Variants in PTPRG observed in about 807,000 individuals in gnomAD.
PTPRG encodes the protein protein tyrosine phosphatase receptor type G.
A neutral mutation model predicts 165.3 loss-of-function variants in PTPRG; 102 were observed. That is an observed-to-expected ratio of 0.62 (90% CI 0.53 to 0.73). The LOEUF is 0.73. Among genes scored for constraint, PTPRG ranks in the 30% least tolerant of loss-of-function variants. PTPRG has a pLI of 0.00. For missense variants in PTPRG, 1,866 were observed against 1,861.4 expected, an observed-to-expected ratio of 1.00 and a Z score of -0.05; for synonymous variants, 675 against 669.5, an observed-to-expected ratio of 1.01 and a Z score of -0.13.
At chr3:61,579,981 A>T (rs1700250504) in intron 1 of PTPRG, among the ~76,000 whole-genome samples, 1 of 152,250 alleles carries the variant, frequency 6.6e-6, no homozygotes, top group Non-Finnish European at 1.5e-5. Flanking sequence ...ATTTTTAAAA[A>T]ATCACACATC....
chr3:61,849,930 A>C (rs1433596097), intron 2 of PTPRG, among the ~76,000 whole-genome samples: 1 of 152,082 alleles, frequency 6.6e-6, no homozygotes, highest in Non-Finnish European at 1.5e-5. Flanking sequence ...CTTTATTTTT[A>C]TGATTGATTT....
At chr3:61,784,516 ATGTTGAGGG>A (rs1032109471) in intron 2 of PTPRG, among the ~76,000 whole-genome samples, 1 of 152,136 alleles carries the variant, frequency 6.6e-6, no homozygotes, top group Non-Finnish European at 1.5e-5. Flanking sequence ...GTGGTTGAGG[ATGTTGAGGG>A]TAAGTTAGCA....
At chr3:62,019,470 C>T (rs2041630928) in intron 4 of PTPRG, among the ~76,000 whole-genome samples, 1 of 144,102 alleles carries the variant, frequency 6.9e-6, no homozygotes, top group Admixed American at 7.1e-5. Context: ...TTGCAGTGAG[C>T]TGAGATTGTG....
intron 6 of PTPRG, among the ~76,000 whole-genome samples, chr3:62,138,461 A>G (rs1042258834): frequency 1.3e-5 from 2 of 152,238 alleles, no homozygotes; most frequent in Non-Finnish European, 1.5e-5. Flanking sequence ...GCTCATGCCT[A>G]TAATGTCAGC....
At chr3:61,958,851 G>C (rs770547305) in intron 2 of PTPRG, among the ~76,000 whole-genome samples, 2 of 152,140 alleles carry the variant, frequency 1.3e-5, no homozygotes, top group Non-Finnish European at 2.9e-5. Flanking sequence ...TGGCAAGAAT[G>C]GAAATCCACA....
intron 2 of PTPRG, among the ~76,000 whole-genome samples, chr3:61,860,782 T>C (rs1447415833): frequency 1.3e-5 from 2 of 152,144 alleles, no homozygotes; most frequent in African/African-American, 4.8e-5. Context: ...AACTGTTGTT[T>C]CACATGCAGT....
Position 62,156,943 on chromosome 3 carries a change from C to T in PTPRG, c.683-124C>T, listed in dbSNP as rs570479968. 18 of 874,532 alleles carry T rather than the reference C, an allele frequency of 2.1e-5. No individual in the cohort carries two copies. In the African/African-American group the frequency reaches 2.5e-4, roughly 12 times the overall value. The allele number at this position is 874,532 out of a possible 1,614,324, so 54.2% of individuals were successfully genotyped here. A position where few individuals can be genotyped will look rare whatever the true frequency, so the allele number is the denominator to read the frequency against. On this transcript the variant is annotated intron_variant, in intron 6 of 29. Transcript: ENST00000474889. The stretch of plus-strand genomic sequence containing the variant: ...CCCACCACCAAATGCTAGTGCTTCT[C>T]AGGATATAAACAAACATAAGGCTTG...
chr3:61,779,405 T>C (rs754987487), intron 2 of PTPRG, among the ~76,000 whole-genome samples: 10 of 152,170 alleles, frequency 6.6e-5, no homozygotes, highest in Non-Finnish European at 1.0e-4. Context: ...CTAATTGCCT[T>C]CCTAATGACA....
intron 2 of PTPRG, among the ~76,000 whole-genome samples, chr3:61,898,623 G>A (rs970231878): frequency 7.2e-5 from 11 of 152,122 alleles, no homozygotes; most frequent in Non-Finnish European, 1.3e-4. Context: ...GCGTTGTTTT[G>A]CCCAGGCATT....
chr3:61,649,142 T>C (rs758064345), intron 1 of PTPRG, among the ~76,000 whole-genome samples: 18 of 149,348 alleles, frequency 1.2e-4, no homozygotes, highest in Non-Finnish European at 2.5e-4. Flanking sequence ...CCTTTTCCCT[T>C]TTCACTTCCC....
intron 9 of PTPRG, 100 bp from the exon 10 acceptor site, chr3:62,194,962 C>A: frequency 9.2e-7 from 1 of 1,088,090 alleles, no homozygotes; most frequent in East Asian, 2.4e-5. Context: ...AAGCATCACA[C>A]CTGTCAGGCA....
chr3:62,030,563 T>G (rs1200894826), intron 4 of PTPRG, among the ~76,000 whole-genome samples: 3 of 152,166 alleles, frequency 2.0e-5, no homozygotes, highest in African/African-American at 7.2e-5. Flanking sequence ...ACACTTTTAC[T>G]GGAGATGTCA....
chr3:61,600,336 CTT>C (rs1700828617), intron 1 of PTPRG, among the ~76,000 whole-genome samples: 1 of 151,892 alleles, frequency 6.6e-6, no homozygotes, highest in South Asian at 2.1e-4. Flanking sequence ...TGCATGAAGA[CTT>C]TGATTTCAGT....
At chr3:61,944,046 C>T (rs1333586104) in intron 2 of PTPRG, among the ~76,000 whole-genome samples, 1 of 152,164 alleles carries the variant, frequency 6.6e-6, no homozygotes, top group Non-Finnish European at 1.5e-5. Context: ...CAAAGTACCA[C>T]ATTTTGTCAG....
In PTPRG at chr3:62,112,057, A is replaced by G. The variant is rs571755113; in HGVS notation, c.616-20545A>G. On this transcript the variant is annotated intron_variant, in intron 5 of 29. Coordinates refer to ENST00000474889, the MANE Select transcript of PTPRG (RefSeq NM_002841.4). ...GGCAGTGGCTTGGGTTGTACCAGAA[A>G]CACCATGGCCCCAGGTTGAAGCCCA... Among the ~76,000 whole-genome samples the G allele has an allele frequency of 1.2e-4, 18 of 152,198 alleles. No individual in the cohort carries two copies. The East Asian group carries it at 1.9e-3, about 16-fold the overall frequency.
intron 2 of PTPRG, among the ~76,000 whole-genome samples, chr3:61,810,850 G>A (rs2035552778): frequency 6.6e-6 from 1 of 151,848 alleles, no homozygotes; most frequent in South Asian, 2.1e-4. Context: ...TTGCTTTTGT[G>A]GGCTTTTACT....
intron 1 of PTPRG, among the ~76,000 whole-genome samples, chr3:61,694,683 A>G (rs2030456454): frequency 6.6e-6 from 1 of 152,204 alleles, no homozygotes; most frequent in Non-Finnish European, 1.5e-5. Flanking sequence ...GGAATTTCAA[A>G]TTGTGATATA....
chr3:61,586,982 G>A (rs1160200200), intron 1 of PTPRG, among the ~76,000 whole-genome samples: 1 of 152,196 alleles, frequency 6.6e-6, no homozygotes. Flanking sequence ...AAGAACAGGG[G>A]AGTCTGTGAT....
At chr3:61,920,554 C>G (rs1274881662) in intron 2 of PTPRG, among the ~76,000 whole-genome samples, 2 of 152,150 alleles carry the variant, frequency 1.3e-5, no homozygotes, top group Non-Finnish European at 2.9e-5. Flanking sequence ...CACCACCACC[C>G]CCAGCTAATT....
Sources: allele counts gnomAD v4.1 joint callset (sites outside exome capture counted in the v4.1 genomes callset), GRCh38; gene constraint gnomAD v4.1.1; transcripts MANE v1.5; gene names NCBI Gene and HGNC (gene_info 2026-07-23, HGNC 2026-07-21).